DPP6: variants seen among roughly 807,000 people sequenced by gnomAD.
DPP6 encodes A-type potassium channel modulatory protein DPP6.
Under a neutral mutation model 122.6 loss-of-function variants are expected in DPP6, and 69 were observed. That is an observed-to-expected ratio of 0.56 (90% CI 0.46 to 0.69). DPP6 has a LOEUF of 0.69. Among genes scored for constraint, DPP6 ranks in the 30% least tolerant of loss-of-function variants. The pLI is 0.00. For missense variants in DPP6, 928 were observed against 1,116.9 expected (o/e 0.83, Z 2.41); for synonymous variants, 418 against 433.1 (o/e 0.97, Z 0.43).
intron 4 of DPP6, among the ~76,000 whole-genome samples, chr7:154,540,850 T>G (rs926946204): frequency 6.6e-6 from 1 of 152,174 alleles, no homozygotes; most frequent in Non-Finnish European, 1.5e-5. Flanking sequence ...TCTCTGCAGG[T>G]GTTGGGAACA....
chr7:154,186,539 G>T (rs1167058026), intron 1 of DPP6, among the ~76,000 whole-genome samples: 2 of 152,338 alleles, frequency 1.3e-5, no homozygotes, highest in African/African-American at 2.4e-5. Flanking sequence ...AGATGTTCCT[G>T]CAGACGCACA....
At chr7:154,769,382 T>C in intron 8 of DPP6, 35 bp from the exon 9 acceptor site, 1 of 1,611,726 alleles carries the variant, frequency 6.2e-7, no homozygotes, top group Non-Finnish European at 8.5e-7. Context: ...ACTCACTTGT[T>C]ACTATTCACA....
the DPP6 span, among the ~76,000 whole-genome samples, chr7:153,803,025 G>A: frequency 6.6e-6 from 1 of 150,800 alleles, no homozygotes; most frequent in Non-Finnish European, 1.5e-5. Context: ...CTGCTGCTGT[G>A]TTCCACGTCT....
intron 8 of DPP6, among the ~76,000 whole-genome samples, chr7:154,764,484 C>T (rs1795781308): frequency 6.6e-6 from 1 of 152,154 alleles, no homozygotes; most frequent in South Asian, 2.1e-4. Flanking sequence ...ACACACCCAA[C>T]CTCACATCTG....
chr7:154,589,817 C>T (rs1832696003), intron 5 of DPP6, among the ~76,000 whole-genome samples: 1 of 152,224 alleles, frequency 6.6e-6, no homozygotes, highest in Admixed American at 6.5e-5. Flanking sequence ...TCAGATCATG[C>T]CTCTGGACTC....
At chr7:154,532,421 T>C (rs1827907450) in intron 3 of DPP6, among the ~76,000 whole-genome samples, 2 of 152,020 alleles carry the variant, frequency 1.3e-5, no homozygotes, top group South Asian at 4.1e-4. Flanking sequence ...TAGGCTTTCA[T>C]CTTAACAAGC....
intron 1 of DPP6, among the ~76,000 whole-genome samples, chr7:154,237,792 C>T (rs1048042785): frequency 3.3e-5 from 5 of 152,184 alleles, no homozygotes; most frequent in Admixed American, 6.5e-5. Context: ...AGTGTTGGGT[C>T]CACAGTGGAT....
At chr7:154,216,937 A>G (rs114390994) in intron 1 of DPP6, among the ~76,000 whole-genome samples, 100,608 of 150,086 alleles carry the variant, frequency 0.67, 36,607 homozygotes, top group Non-Finnish European at 0.81. Flanking sequence ...CTCTAAAAAA[A>G]AAAAAGATCC....
At chr7:153,970,086 T>C (rs1396314003) in intron 1 of DPP6, among the ~76,000 whole-genome samples, 1 of 152,250 alleles carries the variant, frequency 6.6e-6, no homozygotes, top group East Asian at 1.9e-4. Context: ...ATTCAACAGT[T>C]GATGGACATT....
chr7:154,621,438 A>G (rs749808788), intron 5 of DPP6, among the ~76,000 whole-genome samples: 65 of 152,262 alleles, frequency 4.3e-4, no homozygotes, highest in Non-Finnish European at 7.4e-4. Flanking sequence ...GTGCAATCTC[A>G]GCTCACTGCA....
the DPP6 span, among the ~76,000 whole-genome samples, chr7:153,805,375 A>T: frequency 6.6e-6 from 1 of 152,310 alleles, no homozygotes; most frequent in Admixed American, 6.5e-5. Context: ...TTGTTGTTGG[A>T]ACACTCTTAG....
chr7:154,061,717 C>G (rs1362244351), intron 1 of DPP6, among the ~76,000 whole-genome samples: 3 of 90,210 alleles, frequency 3.3e-5, no homozygotes, highest in African/African-American at 8.1e-5. Context: ...GCAATCCCCG[C>G]GAGGCGGGGA....
intron 4 of DPP6, among the ~76,000 whole-genome samples, chr7:154,558,256 C>T (rs940053492): frequency 1.3e-5 from 2 of 152,116 alleles, no homozygotes; most frequent in African/African-American, 4.8e-5. Flanking sequence ...CCTTTGAGAC[C>T]TCGGTTAATT....
At chr7:153,795,156 C>T in the DPP6 span, among the ~76,000 whole-genome samples, 2 of 152,228 alleles carry the variant, frequency 1.3e-5, no homozygotes, top group African/African-American at 4.8e-5. Flanking sequence ...GTGGCTTACG[C>T]CTGTAATCCT....
At chr7:154,885,096 C>T (rs2150691412) in intron 21 of DPP6, 1 of 153,204 alleles carries the variant, frequency 6.5e-6, no homozygotes, top group South Asian at 2.1e-4. Flanking sequence ...TGCAGTACGG[C>T]TTCCTCATCC....
intron 7 of DPP6, among the ~76,000 whole-genome samples, chr7:154,691,677 G>A (rs1839938354): frequency 6.6e-6 from 1 of 152,098 alleles, no homozygotes; most frequent in African/African-American, 2.4e-5. Flanking sequence ...AAATTAGCCA[G>A]GCATGGTGGT....
chr7:154,147,973 T>C (rs1214816515), intron 1 of DPP6, among the ~76,000 whole-genome samples: 2 of 151,292 alleles, frequency 1.3e-5, no homozygotes, highest in East Asian at 1.9e-4. Flanking sequence ...CTCACAGTTA[T>C]TCCCTTTACT....
intron 1 of DPP6, among the ~76,000 whole-genome samples, chr7:153,904,083 A>G (rs1816657882): frequency 6.6e-6 from 1 of 152,114 alleles, no homozygotes; most frequent in Non-Finnish European, 1.5e-5. Flanking sequence ...ATGGACTCTC[A>G]CTGTGTTGCC....
chr7:154,007,838 T>C (rs1485910018), intron 1 of DPP6, among the ~76,000 whole-genome samples: 2 of 152,088 alleles, frequency 1.3e-5, no homozygotes, highest in African/African-American at 4.8e-5. Flanking sequence ...CACCTCGGGA[T>C]CCTTCACAGC....
Sources: gnomAD v4.1 joint callset for allele counts (sites outside exome capture counted in the v4.1 genomes callset) on GRCh38, gnomAD v4.1.1 for gene constraint, MANE v1.5 for transcripts, NCBI Gene and HGNC (gene_info 2026-07-23, HGNC 2026-07-21) for gene names.